Variants in COG5 observed in about 807,000 individuals in gnomAD.
The protein encoded by COG5 is conserved oligomeric Golgi complex subunit 5.
In COG5, 86 loss-of-function variants were observed where a neutral mutation model predicts 110.4. That is an observed-to-expected ratio of 0.78 (90% CI 0.65 to 0.93). The LOEUF is 0.93. Among genes scored for constraint, COG5 ranks in the 40% least tolerant of loss-of-function variants. COG5 has a pLI of 0.00. For synonymous variants in COG5, 360 were observed against 334.6 expected (o/e 1.08, Z -0.83); for missense variants, 1,077 against 987.0 (o/e 1.09, Z -1.22).
At chr7:107,493,440 T>C (rs890795651) in intron 6 of COG5, among the ~76,000 whole-genome samples, 100 of 152,172 alleles carry the variant, frequency 6.6e-4, no homozygotes, top group African/African-American at 2.3e-3. Flanking sequence ...TCAATTAGAA[T>C]AGCTATTATC....
Position 107,498,925 on chromosome 7 carries a change from A to T in COG5, c.538+28312T>A, listed in dbSNP as rs533746208. ...CCACCAGCTGATGACTGAATTTTTT[A>T]AATGTGATATATATACATAGAACAG... is the stretch of plus-strand genomic sequence containing the variant. On this transcript the variant is annotated intron_variant, in intron 6 of 21. Coordinates refer to ENST00000297135, the MANE Select transcript of COG5 (RefSeq NM_006348.5). 6.6e-5 allele frequency among the ~76,000 whole-genome samples: 10 copies of T among 152,320 alleles called. No individual in the cohort carries two copies. In the South Asian group the frequency reaches 2.1e-3, roughly 32 times the overall value.
At chr7:107,291,134 T>TC (rs1310786013) in intron 12 of COG5, among the ~76,000 whole-genome samples, 1 of 152,214 alleles carries the variant, frequency 6.6e-6, no homozygotes, top group Non-Finnish European at 1.5e-5. Flanking sequence ...CACTATTTCT[T>TC]CAAGTTTTTT....
intron 17 of COG5, among the ~76,000 whole-genome samples, chr7:107,247,818 A>C (rs966602290): frequency 6.6e-6 from 1 of 152,220 alleles, no homozygotes; most frequent in Non-Finnish European, 1.5e-5. Context: ...GAATAACACC[A>C]TAGTGTTTGT....
chr7:107,251,996 A>T (rs1046554626), intron 16 of COG5, among the ~76,000 whole-genome samples: 1 of 152,112 alleles, frequency 6.6e-6, no homozygotes, highest in African/African-American at 2.4e-5. Flanking sequence ...ACAGGAAGAG[A>T]ACACAAATCA....
intron 6 of COG5, among the ~76,000 whole-genome samples, chr7:107,513,536 T>A (rs1799695650): frequency 6.6e-6 from 1 of 152,170 alleles, no homozygotes; most frequent in African/African-American, 2.4e-5. Context: ...GACCCAGCCA[T>A]CCCATTACTG....
chr7:107,552,366 T>C (rs999907965), intron 3 of COG5, among the ~76,000 whole-genome samples: 2 of 152,004 alleles, frequency 1.3e-5, no homozygotes, highest in Non-Finnish European at 2.9e-5. Context: ...CGGGTGAAAA[T>C]GTTTGCAAAC....
chr7:107,210,642 G>T (rs759418403), intron 20 of COG5, 37 bp from the exon 21 acceptor site: 1 of 1,559,094 alleles, frequency 6.4e-7, no homozygotes, highest in Non-Finnish European at 8.7e-7. Context: ...GAGTGCATAC[G>T]CATTCTTTAG....
chr7:107,435,649 A>G (rs935829132), intron 6 of COG5, among the ~76,000 whole-genome samples: 5 of 152,118 alleles, frequency 3.3e-5, no homozygotes, highest in African/African-American at 1.2e-4. Context: ...ACTTTGTCCC[A>G]GAAAAAAAAA....
At chr7:107,558,744 C>T (rs1489862488) in intron 1 of COG5, among the ~76,000 whole-genome samples, 3 of 149,952 alleles carry the variant, frequency 2.0e-5, no homozygotes, top group Non-Finnish European at 3.0e-5. Context: ...AAAAATTAGC[C>T]GGGCGTGGTG....
rs111891019 is a variant in COG5, at chr7:107,555,893, A to T, written c.235-1551T>A. Among the ~76,000 whole-genome samples, 11 of 152,198 alleles carry T rather than the reference A, an allele frequency of 7.2e-5. 3 individuals carry two copies. The highest frequency in any genetic ancestry group is 2.4e-4 in the African/African-American group (10 of 41,522). ...GCTACGTGTGGTGGTGCACACCTGT[A>T]ATCTCAGCTACTCAGGAGGCTGAGG... On this transcript the variant is annotated intron_variant, in intron 2 of 21. Transcript: ENST00000297135.
At chr7:107,447,277 C>T (rs1355826648) in intron 6 of COG5, among the ~76,000 whole-genome samples, 3 of 152,134 alleles carry the variant, frequency 2.0e-5, no homozygotes, top group Non-Finnish European at 4.4e-5. Flanking sequence ...GGGAAAAGTT[C>T]TCCACTTTTA....
At chr7:107,274,505 G>A (rs560776542) in intron 14 of COG5, among the ~76,000 whole-genome samples, 94 of 152,094 alleles carry the variant, frequency 6.2e-4, no homozygotes, top group Middle Eastern at 3.4e-3. Context: ...CCTGTGCCCC[G>A]TCTTCACCAT....
At chr7:107,327,138 G>A (rs1326472928) in intron 10 of COG5, among the ~76,000 whole-genome samples, 3 of 152,064 alleles carry the variant, frequency 2.0e-5, no homozygotes, top group East Asian at 3.9e-4. Context: ...AAAAATAAAC[G>A]ATCAAGTATA....
intron 21 of COG5, chr7:107,209,980 G>C: frequency 1.0e-6 from 1 of 990,412 alleles, no homozygotes. Flanking sequence ...CCCACCCTGG[G>C]CATGGTTGGG....
intron 6 of COG5, among the ~76,000 whole-genome samples, chr7:107,483,068 C>G (rs1404464319): frequency 6.6e-6 from 1 of 152,084 alleles, no homozygotes; most frequent in Admixed American, 6.6e-5. Context: ...AAACATTTTT[C>G]TTTTGCTGTT....
At chr7:107,272,025 G>C (rs1365163668) in intron 14 of COG5, among the ~76,000 whole-genome samples, 1 of 151,956 alleles carries the variant, frequency 6.6e-6, no homozygotes, top group Non-Finnish European at 1.5e-5. Flanking sequence ...GAAATACCTG[G>C]GGGATTTTCC....
intron 12 of COG5, among the ~76,000 whole-genome samples, chr7:107,294,720 T>C (rs998727701): frequency 5.8e-5 from 8 of 136,980 alleles, no homozygotes; most frequent in African/African-American, 2.3e-4. Context: ...TTTCTTTTTT[T>C]TTTTTTTTTT....
intron 17 of COG5, 130 bp downstream of exon 17, chr7:107,248,266 G>A: frequency 4.2e-6 from 3 of 707,158 alleles, no homozygotes; most frequent in Non-Finnish European, 7.6e-6. Context: ...GAAGAGGGCT[G>A]AAAACTAATG....
intron 8 of COG5, among the ~76,000 whole-genome samples, chr7:107,372,121 C>G (rs1240357152): frequency 6.6e-6 from 1 of 152,118 alleles, no homozygotes; most frequent in African/African-American, 2.4e-5. Context: ...GACTTTACTA[C>G]AGTTGTAATG....
Sources: allele counts gnomAD v4.1 joint callset (sites outside exome capture counted in the v4.1 genomes callset), GRCh38; gene constraint gnomAD v4.1.1; transcripts MANE v1.5; gene names NCBI Gene and HGNC (gene_info 2026-07-23, HGNC 2026-07-21).